The following R3HDM1 variants were observed in gnomAD, a reference collection of about 807,000 sequenced individuals.
R3HDM1 encodes R3H domain containing 1.
In R3HDM1, 46 loss-of-function variants were observed where a neutral mutation model predicts 141.1. The observed-to-expected ratio is 0.33, with a 90% confidence interval of 0.26 to 0.42. The LOEUF is 0.42. R3HDM1 is among the 10% of genes least tolerant of loss of function. The pLI is 1.00. For missense variants in R3HDM1, 1,184 were observed against 1,368.3 expected, an observed-to-expected ratio of 0.87 and a Z score of 2.12; for synonymous variants, 435 against 472.9, an observed-to-expected ratio of 0.92 and a Z score of 1.04.
intron 16 of R3HDM1, among the ~76,000 whole-genome samples, chr2:135,647,271 TC>T (rs1445271436): frequency 2.0e-5 from 3 of 152,214 alleles, no homozygotes; most frequent in Non-Finnish European, 4.4e-5. Flanking sequence ...GTCAGCTTGG[TC>T]CCAAAGAGTT....
At chr2:135,685,598 T>C (rs1237316560) in intron 21 of R3HDM1, among the ~76,000 whole-genome samples, 6 of 152,184 alleles carry the variant, frequency 3.9e-5, no homozygotes, top group African/African-American at 1.4e-4. Flanking sequence ...TCTTCTGCTG[T>C]TTTCTCAGAT....
intron 1 of R3HDM1, among the ~76,000 whole-genome samples, chr2:135,564,903 G>A (rs1293546220): frequency 6.6e-6 from 1 of 152,092 alleles, no homozygotes; most frequent in African/African-American, 2.4e-5. Context: ...AATGGATAAA[G>A]TATTCCTTTT....
At chr2:135,552,199 TG>T (rs1699960323) in intron 1 of R3HDM1, among the ~76,000 whole-genome samples, 1 of 151,862 alleles carries the variant, frequency 6.6e-6, no homozygotes, top group African/African-American at 2.4e-5. Flanking sequence ...TTTTCTTTTT[TG>T]GGGGGTGCGG....
chr2:135,587,756 C>G (rs1708269731), intron 1 of R3HDM1, among the ~76,000 whole-genome samples: 1 of 152,098 alleles, frequency 6.6e-6, no homozygotes, highest in Non-Finnish European at 1.5e-5. Flanking sequence ...CATACTTTTG[C>G]TCATTTTCAT....
chr2:135,611,981 T>G (rs1026587674), intron 3 of R3HDM1, among the ~76,000 whole-genome samples: 1 of 152,194 alleles, frequency 6.6e-6, no homozygotes, highest in African/African-American at 2.4e-5. Flanking sequence ...ATAAACCAGA[T>G]AGTTTGTGAC....
intron 19 of R3HDM1, among the ~76,000 whole-genome samples, chr2:135,673,329 C>G (rs1559400857): frequency 6.6e-6 from 1 of 152,122 alleles, no homozygotes; most frequent in Admixed American, 6.5e-5. Flanking sequence ...AATTCTGATG[C>G]TGCAATAGAC....
chr2:135,719,800 A>G (rs2076531482), intron 24 of R3HDM1, among the ~76,000 whole-genome samples: 1 of 151,110 alleles, frequency 6.6e-6, no homozygotes, highest in South Asian at 2.1e-4. Flanking sequence ...TTAAAATTTC[A>G]TTATTGTAGC....
At chr2:135,703,451 G>GCA (rs2074499677) in intron 21 of R3HDM1, among the ~76,000 whole-genome samples, 2 of 152,148 alleles carry the variant, frequency 1.3e-5, no homozygotes, top group Non-Finnish European at 2.9e-5. Flanking sequence ...CCTGCCAGTG[G>GCA]CCTAACTGCT....
chr2:135,624,133 C>T (rs191013229), intron 7 of R3HDM1, among the ~76,000 whole-genome samples: 7 of 152,278 alleles, frequency 4.6e-5, no homozygotes, highest in Non-Finnish European at 8.8e-5. Context: ...CAGTGGCTCA[C>T]GCTTGTAATC....
chr2:135,648,134 A>G (rs909605874), intron 16 of R3HDM1, among the ~76,000 whole-genome samples: 1 of 152,226 alleles, frequency 6.6e-6, no homozygotes, highest in South Asian at 2.1e-4. Context: ...CATGTAGTAT[A>G]ATATGTACTA....
intron 1 of R3HDM1, 150 bp downstream of exon 1, chr2:135,531,783 C>T: frequency 1.0e-6 from 1 of 985,670 alleles, no homozygotes; most frequent in Non-Finnish European, 1.2e-6. Flanking sequence ...CCCGCCGGGT[C>T]GTCGGCGCTT....
intron 16 of R3HDM1, among the ~76,000 whole-genome samples, chr2:135,647,509 AGAT>A (rs1400685881): frequency 6.6e-6 from 1 of 152,236 alleles, no homozygotes; most frequent in Non-Finnish European, 1.5e-5. Context: ...TTCTAAATGA[AGAT>A]GTAGGCCACC....
intron 1 of R3HDM1, chr2:135,566,050 CCTCAGCTTCTCTCCCAACA>C (rs1702721765): frequency 6.6e-6 from 1 of 152,182 alleles, no homozygotes. Flanking sequence ...GCAAGCCCTG[CCTCAGCTTCTCTCCCAACA>C]CTCAGCTTTT....
At chr2:135,571,091 TA>T (rs1415956638) in intron 1 of R3HDM1, among the ~76,000 whole-genome samples, 1 of 152,210 alleles carries the variant, frequency 6.6e-6, no homozygotes, top group Non-Finnish European at 1.5e-5. Flanking sequence ...AGTTGCGACA[TA>T]TTTTTTTAGT....
intron 1 of R3HDM1, chr2:135,565,846 G>T (rs978541921): frequency 6.5e-6 from 1 of 152,744 alleles, no homozygotes. Context: ...GGAGTCAAAG[G>T]AATGAGAAAA....
chr2:135,546,989 A>G (rs1698832412), intron 1 of R3HDM1, among the ~76,000 whole-genome samples: 1 of 152,180 alleles, frequency 6.6e-6, no homozygotes. Flanking sequence ...GTTTTGAAGG[A>G]CATTATAAAA....
chr2:135,688,980 G>T (rs544689045), intron 21 of R3HDM1, among the ~76,000 whole-genome samples: 4 of 152,276 alleles, frequency 2.6e-5, no homozygotes. Flanking sequence ...AATCTCATTT[G>T]TCTTCACAGT....
intron 1 of R3HDM1, among the ~76,000 whole-genome samples, chr2:135,575,877 A>T (rs778356399): frequency 6.6e-6 from 1 of 152,200 alleles, no homozygotes; most frequent in Non-Finnish European, 1.5e-5. Context: ...TTACTTTTTA[A>T]GTTAGACAAG....
chr2:135,711,663 A>G (rs1157346032), intron 23 of R3HDM1, among the ~76,000 whole-genome samples: 7 of 5,368 alleles, frequency 1.3e-3, no homozygotes, highest in African/African-American at 2.5e-3. Flanking sequence ...CAACTCTTTG[A>G]AAAAAAAAAA....
Sources: gnomAD v4.1 joint callset for allele counts (sites outside exome capture counted in the v4.1 genomes callset) on GRCh38, gnomAD v4.1.1 for gene constraint, MANE v1.5 for transcripts, NCBI Gene and HGNC (gene_info 2026-07-23, HGNC 2026-07-21) for gene names.